Variants in STXBP5 observed in about 807,000 individuals in gnomAD.
STXBP5 encodes the protein syntaxin-binding protein 5.
STXBP5 carries 50 observed loss-of-function variants against 152.4 expected under a neutral mutation model. The observed-to-expected ratio is 0.33, with a 90% CI of 0.26 to 0.42. STXBP5 has a LOEUF of 0.42. STXBP5 is among the 10% of genes least tolerant of loss of function. STXBP5 has a pLI of 1.00. For synonymous variants in STXBP5, 492 were observed against 494.7 expected, an observed-to-expected ratio of 0.99 and a Z score of 0.07; for missense variants, 1,167 against 1,388.6, an observed-to-expected ratio of 0.84 and a Z score of 2.54.
intron 4 of STXBP5, among the ~76,000 whole-genome samples, chr6:147,256,511 C>T (rs536770859): frequency 1.3e-5 from 2 of 152,168 alleles, no homozygotes; most frequent in South Asian, 2.1e-4. Context: ...ATATAGGTAC[C>T]ACAAAATGTC....
At chr6:147,226,462 C>G (rs1777717645) in intron 2 of STXBP5, among the ~76,000 whole-genome samples, 1 of 152,100 alleles carries the variant, frequency 6.6e-6, no homozygotes, top group South Asian at 2.1e-4. Flanking sequence ...GTTTGAAGGC[C>G]TTCCACACTC....
intron 19 of STXBP5, among the ~76,000 whole-genome samples, chr6:147,338,287 G>C (rs1054190283): frequency 6.6e-6 from 1 of 151,838 alleles, no homozygotes; most frequent in Admixed American, 6.6e-5. Context: ...AAAATAATAA[G>C]GTATTAAGTG....
chr6:147,353,747 A>G (rs1784694559), intron 22 of STXBP5, among the ~76,000 whole-genome samples: 1 of 152,200 alleles, frequency 6.6e-6, no homozygotes, highest in Admixed American at 6.5e-5. Flanking sequence ...CTAATGAAAT[A>G]CTTAAAATTT....
chr6:147,389,246 G>A lies in STXBP5; in HGVS notation c.*4491G>A, dbSNP rs1187862015. ...TAATGATTTTACTACTGCCTCCGAA[G>A]TTTTAAAAAAGGTTCTGTAGACAGA... is the stretch of plus-strand genomic sequence containing the variant. On this transcript the variant is annotated 3_prime_UTR_variant, in exon 28 of 28. Coordinates refer to ENST00000321680, the MANE Select transcript of STXBP5 (RefSeq NM_001127715.4). 1 of 151,514 alleles carries A rather than the reference G, an allele frequency of 6.6e-6. No individual in the cohort carries two copies. The highest frequency in any genetic ancestry group is 2.4e-5 in the African/African-American group (1 of 41,344). The allele number at this position is 151,514 out of a possible 1,614,324, so 9.4% of individuals were successfully genotyped here.
At chr6:147,287,174 CAAT>C (rs1781010935) in intron 8 of STXBP5, among the ~76,000 whole-genome samples, 1 of 137,276 alleles carries the variant, frequency 7.3e-6, no homozygotes, top group Middle Eastern at 3.6e-3. Flanking sequence ...GACTATAGTT[CAAT>C]AATAACTTAA....
intron 9 of STXBP5, among the ~76,000 whole-genome samples, chr6:147,298,145 G>A (rs933042374): frequency 2.2e-4 from 33 of 152,160 alleles, no homozygotes; most frequent in African/African-American, 7.9e-4. Context: ...GAAAGTGAAA[G>A]TATGGAAAAA....
At chr6:147,296,505 C>T (rs748591220) in intron 9 of STXBP5, among the ~76,000 whole-genome samples, 4 of 152,002 alleles carry the variant, frequency 2.6e-5, no homozygotes, top group Non-Finnish European at 4.4e-5. Flanking sequence ...AAAAGCTACT[C>T]CATAAAATTG....
At chr6:147,376,218 T>C (rs1168739922) in intron 26 of STXBP5, among the ~76,000 whole-genome samples, 2 of 152,228 alleles carry the variant, frequency 1.3e-5, no homozygotes, top group Middle Eastern at 3.2e-3. Flanking sequence ...TAAGTGGATT[T>C]AAGGTGATCT....
At chr6:147,269,986 C>T (rs1297268778) in intron 7 of STXBP5, among the ~76,000 whole-genome samples, 3 of 151,972 alleles carry the variant, frequency 2.0e-5, no homozygotes, top group Non-Finnish European at 4.4e-5. Context: ...AGAAGAAACA[C>T]GAAACAAACT....
intron 7 of STXBP5, among the ~76,000 whole-genome samples, chr6:147,274,059 T>G (rs1199392983): frequency 1.3e-5 from 2 of 152,196 alleles, no homozygotes; most frequent in African/African-American, 2.4e-5. Context: ...GAAGCATTTA[T>G]TCTCCCTTAA....
At chr6:147,306,296 C>T (rs1322653059) in intron 9 of STXBP5, among the ~76,000 whole-genome samples, 1 of 152,142 alleles carries the variant, frequency 6.6e-6, no homozygotes, top group Non-Finnish European at 1.5e-5. Context: ...AGCAGATAAA[C>T]ATTGACAGTG....
intron 8 of STXBP5, among the ~76,000 whole-genome samples, chr6:147,283,095 G>A (rs1269961854): frequency 6.6e-6 from 1 of 152,204 alleles, no homozygotes; most frequent in African/African-American, 2.4e-5. Context: ...GCTTGTGCTA[G>A]ACAGTCAAAA....
chr6:147,225,914 A>T (rs1777686782), intron 2 of STXBP5, among the ~76,000 whole-genome samples: 1 of 152,350 alleles, frequency 6.6e-6, no homozygotes, highest in Non-Finnish European at 1.5e-5. Context: ...AATGGATCCT[A>T]GAGAAAATCG....
chr6:147,316,055 A>G (rs914272325), intron 15 of STXBP5, among the ~76,000 whole-genome samples, 174 bp from the exon 16 acceptor site: 2 of 152,176 alleles, frequency 1.3e-5, no homozygotes, highest in Non-Finnish European at 2.9e-5. Flanking sequence ...CCCTGAGTCA[A>G]GAACGTTTTC....
At chr6:147,233,349 A>G (rs1336901075) in intron 2 of STXBP5, among the ~76,000 whole-genome samples, 1 of 151,752 alleles carries the variant, frequency 6.6e-6, no homozygotes, top group Non-Finnish European at 1.5e-5. Context: ...TTATACCTGG[A>G]TAGTCATAGC....
chr6:147,329,690 G>C (rs1783463756), intron 18 of STXBP5, among the ~76,000 whole-genome samples: 1 of 127,160 alleles, frequency 7.9e-6, no homozygotes. Flanking sequence ...CAGTGGCGCT[G>C]TCTTGGCTCA....
rs183208539 is a variant in STXBP5 at position 147,238,280 on chromosome 6, C to T, written c.331-890C>T. Among the ~76,000 whole-genome samples, 466 of 152,290 alleles carry T rather than the reference C, an allele frequency of 3.1e-3. 2 individuals carry two copies. The highest frequency in any genetic ancestry group is 0.011 in the African/African-American group (448 of 41,560). ...AGAGAAGCAGAAAGGGAAGCTGGTG[C>T]ATGCCAGGAGAGCAAAGAGGTCAGC... On this transcript the variant is annotated intron_variant, in intron 3 of 27. Coordinates refer to ENST00000321680, the MANE Select transcript of STXBP5 (RefSeq NM_001127715.4).
intron 21 of STXBP5, chr6:147,351,913 C>A (rs1784603496): frequency 1.0e-6 from 1 of 984,374 alleles, no homozygotes; most frequent in Non-Finnish European, 1.2e-6. Context: ...CTTTAAATAT[C>A]TCCTAACAGT....
At chr6:147,310,019 A>G (rs888616475) in intron 9 of STXBP5, 65 bp from the exon 10 acceptor site, 2 of 1,128,852 alleles carry the variant, frequency 1.8e-6, no homozygotes, top group African/African-American at 3.2e-5. Flanking sequence ...TTAAAAAATT[A>G]TGATGTAGCA....
Sources: gnomAD v4.1 joint callset for allele counts (sites outside exome capture counted in the v4.1 genomes callset) on GRCh38, gnomAD v4.1.1 for gene constraint, MANE v1.5 for transcripts, NCBI Gene and HGNC (gene_info 2026-07-23, HGNC 2026-07-21) for gene names.